Variants in TRIM44 observed in about 807,000 individuals in gnomAD.
TRIM44 encodes the protein tripartite motif-containing protein 44.
TRIM44 carries 13 observed loss-of-function variants against 37.4 expected under a neutral mutation model. The observed-to-expected ratio is 0.35, with a 90% confidence interval of 0.23 to 0.55. The LOEUF (loss-of-function observed/expected upper bound fraction) is 0.55. Among genes scored for constraint, TRIM44 ranks in the 20% least tolerant of loss-of-function variants. TRIM44 has a pLI of 0.89. For synonymous variants in TRIM44, 175 were observed against 157.2 expected (o/e 1.11, Z -0.85); for missense variants, 426 against 437.2 (o/e 0.97, Z 0.23).
intron 2 of TRIM44, among the ~76,000 whole-genome samples, chr11:35,698,159 C>A (rs1204252156): frequency 2.7e-5 from 4 of 148,578 alleles, no homozygotes; most frequent in South Asian, 4.3e-4. Flanking sequence ...ACTGGATGTG[C>A]CACATTTTCT....
chr11:35,716,375 G>T (rs1008166212), intron 2 of TRIM44, among the ~76,000 whole-genome samples: 2 of 152,142 alleles, frequency 1.3e-5, no homozygotes, highest in Admixed American at 6.5e-5. Context: ...GGGGCAGTGG[G>T]ACTAGGTTAA....
intron 2 of TRIM44, among the ~76,000 whole-genome samples, chr11:35,712,863 T>G (rs1485232989): frequency 6.6e-6 from 1 of 152,198 alleles, no homozygotes; most frequent in Admixed American, 6.5e-5. Flanking sequence ...ATAATAGTGA[T>G]AAAATCACCC....
At position 35,806,226 on chromosome 11, in the gene TRIM44, A is replaced by G; in HGVS notation, c.1008-132A>G. Reference sequence around the variant, plus strand: ...AACGAAGTAACTTGCCTTTGGCCATATTGCTCAATCATGGTAGTTAAGACT... The same window carrying G: ...AACGAAGTAACTTGCCTTTGGCCATGTTGCTCAATCATGGTAGTTAAGACT... On this transcript the variant is annotated intron_variant, in intron 4 of 4. Transcript: ENST00000299413. The G allele has an allele frequency of 4.3e-6, 4 of 927,096 alleles. No individual in the cohort carries two copies. In the South Asian group the frequency reaches 6.0e-5, roughly 14 times the overall value. The allele number at this position is 927,096 out of a possible 1,614,324, so 57.4% of individuals were successfully genotyped here.
At chr11:35,714,181 A>G in intron 2 of TRIM44, among the ~76,000 whole-genome samples, 1 of 152,152 alleles carries the variant, frequency 6.6e-6, no homozygotes, top group Admixed American at 6.5e-5. Context: ...AGAGCTCAGT[A>G]GATACCATAT....
At chr11:35,710,763 G>A (rs571146783) in intron 2 of TRIM44, among the ~76,000 whole-genome samples, 1 of 152,198 alleles carries the variant, frequency 6.6e-6, no homozygotes, top group South Asian at 2.1e-4. Context: ...CTTACAAAAG[G>A]GTAACTTCCC....
chr11:35,772,364 C>T (rs914752187), intron 4 of TRIM44, among the ~76,000 whole-genome samples: 1 of 152,164 alleles, frequency 6.6e-6, no homozygotes, highest in Admixed American at 6.5e-5. Context: ...GAGAAGAGGG[C>T]CACCATCCTC....
intron 4 of TRIM44, among the ~76,000 whole-genome samples, chr11:35,745,564 C>G (rs1852476542): frequency 6.6e-6 from 1 of 152,092 alleles, no homozygotes. Context: ...ATAACGAAAC[C>G]AATTTTACCA....
chr11:35,802,115 A>G (rs1317578808), intron 4 of TRIM44, among the ~76,000 whole-genome samples: 1 of 152,198 alleles, frequency 6.6e-6, no homozygotes, highest in East Asian at 1.9e-4. Context: ...TTGGTGGTCA[A>G]ACCATCCAGC....
At chr11:35,719,615 T>C (rs1157690530) in intron 2 of TRIM44, among the ~76,000 whole-genome samples, 1 of 152,180 alleles carries the variant, frequency 6.6e-6, no homozygotes, top group Non-Finnish European at 1.5e-5. Flanking sequence ...TAAAAAGTTA[T>C]CACTATACCC....
At chr11:35,696,328 C>T (rs1266726861) in intron 2 of TRIM44, among the ~76,000 whole-genome samples, 1 of 150,840 alleles carries the variant, frequency 6.6e-6, no homozygotes, top group African/African-American at 2.4e-5. Flanking sequence ...ATTTTTAGTA[C>T]AGACGGGGTT....
intron 2 of TRIM44, among the ~76,000 whole-genome samples, chr11:35,690,036 G>A (rs145616632): frequency 8.3e-4 from 127 of 152,286 alleles, no homozygotes; most frequent in Non-Finnish European, 1.4e-3. Flanking sequence ...TCAAAAAGAA[G>A]CATCTTAAAA....
At chr11:35,684,165 G>A (rs1013333629) in intron 1 of TRIM44, among the ~76,000 whole-genome samples, 3 of 152,106 alleles carry the variant, frequency 2.0e-5, no homozygotes, top group Non-Finnish European at 4.4e-5. Flanking sequence ...CAATATAGTA[G>A]TCACTAGTCA....
intron 2 of TRIM44, among the ~76,000 whole-genome samples, chr11:35,725,066 T>TCACA (rs59413888): frequency 0.043 from 5,993 of 140,996 alleles, 255 homozygotes; most frequent in African/African-American, 0.13. Flanking sequence ...ATGCACACAC[T>TCACA]CACACACACA....
rs1380593503 is a variant in TRIM44, at chr11:35,813,892, G to A, written c.*7507G>A. On this transcript the variant is annotated 3_prime_UTR_variant, in exon 5 of 5. Coordinates refer to ENST00000299413, the MANE Select transcript of TRIM44 (RefSeq NM_017583.6). ...TTTTATTGTTTCATGAGCCTCTGGTGTTCAGAGAGTTTTTTTCACAGCTTT... is the reference window on the plus strand; with the variant it reads ...TTTTATTGTTTCATGAGCCTCTGGTATTCAGAGAGTTTTTTTCACAGCTTT... 3 of 152,144 alleles carry A rather than the reference G, an allele frequency of 2.0e-5. No individual in the cohort carries two copies. Among genetic ancestry groups the A allele is most frequent in the African/African-American group, 7.2e-5 (3 of 41,446 alleles). 9.4% of individuals were successfully genotyped at this position (152,144 alleles called of 1,614,324 possible).
chr11:35,696,182 C>A (rs1321690718), intron 2 of TRIM44, among the ~76,000 whole-genome samples: 2 of 143,996 alleles, frequency 1.4e-5, no homozygotes, highest in African/African-American at 5.2e-5. Context: ...GATGCTCTGT[C>A]GCCCAGTCTG....
chr11:35,762,565 A>G (rs926901275), intron 4 of TRIM44, among the ~76,000 whole-genome samples: 1 of 152,172 alleles, frequency 6.6e-6, no homozygotes, highest in African/African-American at 2.4e-5. Context: ...CTTGCCCCCA[A>G]GTTGCTTACA....
At chr11:35,667,511 A>G (rs1459077264) in intron 1 of TRIM44, among the ~76,000 whole-genome samples, 2 of 152,182 alleles carry the variant, frequency 1.3e-5, no homozygotes, top group African/African-American at 4.8e-5. Context: ...CTAGGACTAC[A>G]GGTGTGCCAC....
chr11:35,798,012 A>G (rs1399224354), intron 4 of TRIM44, among the ~76,000 whole-genome samples: 1 of 152,218 alleles, frequency 6.6e-6, no homozygotes, highest in African/African-American at 2.4e-5. Flanking sequence ...CATGTCCCCA[A>G]GGTGGTCGGG....
At chr11:35,744,874 T>C (rs550974591) in intron 4 of TRIM44, among the ~76,000 whole-genome samples, 1 of 152,290 alleles carries the variant, frequency 6.6e-6, no homozygotes, top group East Asian at 1.9e-4. Context: ...TCCAACTCCA[T>C]CCATGCCCCT....
Sources: allele counts gnomAD v4.1 joint callset (sites outside exome capture counted in the v4.1 genomes callset), GRCh38; gene constraint gnomAD v4.1.1; transcripts MANE v1.5; gene names NCBI Gene and HGNC (gene_info 2026-07-23, HGNC 2026-07-21).